Variants in INTS9 observed in about 807,000 individuals in gnomAD.
INTS9 encodes the protein integrator complex subunit 9, also known as protein related to CPSF subunits of 74 kDa.
In INTS9, 55 loss-of-function variants were observed where a neutral mutation model predicts 79.7. The observed-to-expected ratio is 0.69, with a 90% confidence interval of 0.56 to 0.86. INTS9 has a LOEUF of 0.86. INTS9 is among the 40% of genes least tolerant of loss of function. The pLI, the probability that INTS9 is intolerant of heterozygous loss-of-function variation, is 0.00. For missense variants in INTS9, 721 were observed against 831.5 expected (o/e 0.87, Z 1.64); for synonymous variants, 319 against 325.2 (o/e 0.98, Z 0.20).
chr8:28,884,028 T>G (rs996014096), intron 1 of INTS9, among the ~76,000 whole-genome samples: 1 of 152,156 alleles, frequency 6.6e-6, no homozygotes, highest in Non-Finnish European at 1.5e-5. Context: ...AATATGCTAC[T>G]GTGGTACCGT....
chr8:28,809,626 T>C (rs773633488), intron 8 of INTS9, among the ~76,000 whole-genome samples: 8 of 152,200 alleles, frequency 5.3e-5, no homozygotes, highest in Non-Finnish European at 8.8e-5. Context: ...TCAATAGTAC[T>C]GTAAAGGCTT....
chr8:28,794,745 A>G (rs1804104432), intron 9 of INTS9, among the ~76,000 whole-genome samples: 1 of 152,192 alleles, frequency 6.6e-6, no homozygotes, highest in Non-Finnish European at 1.5e-5. Context: ...TGAAAATGCA[A>G]CTTTTCTTCT....
chr8:28,886,016 A>G (rs1477765912), intron 1 of INTS9, among the ~76,000 whole-genome samples: 1 of 152,218 alleles, frequency 6.6e-6, no homozygotes, highest in Non-Finnish European at 1.5e-5. Context: ...ATACCCAAGT[A>G]TTACGTTATA....
At chr8:28,881,142 G>T (rs1337281598) in intron 1 of INTS9, among the ~76,000 whole-genome samples, 8 of 139,376 alleles carry the variant, frequency 5.7e-5, no homozygotes, top group South Asian at 2.3e-4. Flanking sequence ...TCAGCCCCCC[G>T]CCCGGCTGGC....
At chr8:28,872,057 A>T (rs573423399) in intron 1 of INTS9, among the ~76,000 whole-genome samples, 28 of 152,382 alleles carry the variant, frequency 1.8e-4, no homozygotes, top group African/African-American at 5.5e-4. Flanking sequence ...TAAAATGCCC[A>T]GTCCATACAT....
At chr8:28,880,469 C>G (rs12542514) in intron 1 of INTS9, among the ~76,000 whole-genome samples, 13,047 of 152,134 alleles carry the variant, frequency 0.086, 680 homozygotes, top group South Asian at 0.24. Context: ...ATGTGTTGGC[C>G]GGGCTGGTCT....
chr8:28,768,245 G>C lies in INTS9; in HGVS notation c.1878C>G (p.Ile626Met). The change falls in exon 17 of 17, where the codon ATC (isoleucine) becomes ATG (methionine). Residue 626 changes from isoleucine to methionine, a missense_variant. This residue lies in a region of INTS9 where 281 missense variants were observed against 300.8 expected (regional missense o/e 0.93). Transcript: ENST00000521022. ...IVLLQEAETL[I>M]QIEEDSTHII... ...TATGGGTCGAGTCTTCTTCAATCTG[G>C]ATGAGCGTCTCAGCCTCCTGGAGCA... 1 of 1,614,120 alleles carries C rather than the reference G, an allele frequency of 6.2e-7. No individual in the cohort carries two copies.
Position 28,808,321 on chromosome 8 carries a change from G to GT in INTS9, c.744+4005dup, listed in dbSNP as rs981603074. 8.2e-4 allele frequency among the ~76,000 whole-genome samples: 124 copies of GT among 151,798 alleles called. 1 individual carries two copies. Among genetic ancestry groups the GT allele is most frequent in the Non-Finnish European group, 3.1e-4 (21 of 67,956 alleles). The stretch of plus-strand genomic sequence containing the variant: ...CGATTCTCCTGCCTCAGCCTCCCGA[G>GT]TATTTGGGATTACAGGTGAGCACCA... On this transcript the variant is annotated intron_variant, in intron 8 of 16. Transcript: ENST00000521022.
chr8:28,812,613 G>T, intron 7 of INTS9, 152 bp from the exon 8 acceptor site: 2 of 834,890 alleles, frequency 2.4e-6, no homozygotes, highest in Non-Finnish European at 3.6e-6. Flanking sequence ...GCTCACGCCT[G>T]TAATCCCAGC....
At chr8:28,819,247 G>T (rs532883981) in intron 6 of INTS9, among the ~76,000 whole-genome samples, 2,770 of 152,082 alleles carry the variant, frequency 0.018, 40 homozygotes, top group Middle Eastern at 0.037. Context: ...GTGATGTTAG[G>T]GTGTCAATTT....
At chr8:28,770,263 T>A (rs1802454488) in intron 15 of INTS9, among the ~76,000 whole-genome samples, 2 of 152,220 alleles carry the variant, frequency 1.3e-5, no homozygotes, top group South Asian at 4.1e-4. Flanking sequence ...CTGCCTTCTA[T>A]CAAGATCCAT....
chr8:28,779,490 T>C (rs1236729251), intron 12 of INTS9, among the ~76,000 whole-genome samples: 1 of 152,184 alleles, frequency 6.6e-6, no homozygotes, highest in African/African-American at 2.4e-5. Context: ...GTAATCATCC[T>C]GAACACGGAA....
chr8:28,879,153 A>G (rs781462813), intron 1 of INTS9, among the ~76,000 whole-genome samples: 1 of 152,344 alleles, frequency 6.6e-6, no homozygotes, highest in African/African-American at 2.4e-5. Context: ...AATATCCTTC[A>G]TGAATATATA....
chr8:28,824,729 G>A (rs920141531), intron 6 of INTS9, among the ~76,000 whole-genome samples: 45 of 152,172 alleles, frequency 3.0e-4, no homozygotes, highest in Non-Finnish European at 5.9e-5. Flanking sequence ...CTGCTTTGAG[G>A]AAGGAGAGAT....
At chr8:28,775,625 TATAG>T (rs1802819505) in intron 14 of INTS9, 130 bp downstream of exon 14, 17 of 970,852 alleles carry the variant, frequency 1.8e-5, no homozygotes, top group Non-Finnish European at 2.1e-5. Context: ...GTGCTGGGAT[TATAG>T]GCGTGAGCTA....
At chr8:28,787,637 G>A (rs926062045) in intron 11 of INTS9, among the ~76,000 whole-genome samples, 192 bp downstream of exon 11, 6 of 152,210 alleles carry the variant, frequency 3.9e-5, no homozygotes, top group Non-Finnish European at 5.9e-5. Context: ...CTCCACGTGC[G>A]CAATAGAAAG....
chr8:28,847,698 C>T (rs1465042200), intron 3 of INTS9, among the ~76,000 whole-genome samples: 1 of 152,216 alleles, frequency 6.6e-6, no homozygotes, highest in East Asian at 1.9e-4. Context: ...GTCTTTCCCC[C>T]ACAGGCTGAC....
rs370384415 is a variant in INTS9, at chr8:28,780,906, C to T, written c.1187G>A (p.Gly396Glu). 114 of 1,614,126 alleles carry T rather than the reference C, an allele frequency of 7.1e-5. No individual in the cohort carries two copies. Among genetic ancestry groups the T allele is most frequent in the Non-Finnish European group, 9.3e-5 (110 of 1,180,014 alleles). ...GTCCCCGAAGCGGAGGGAAGGGTGC[C>T]CGGTGAACACCACACAGGGCTGTCT... ...DFRQPCVVFTGHPSLRFGDVV... is the reference protein window; with the variant it reads ...DFRQPCVVFTEHPSLRFGDVV... The change falls in exon 12 of 17, where the codon GGG becomes GAG. Residue 396 changes from glycine (G) to glutamate (E), a missense_variant. By Grantham distance (98) the Gly-to-Glu change is moderately conservative. This residue lies in a region of INTS9 where 149 missense variants were observed against 223.7 expected (regional missense o/e 0.67). Coordinates refer to ENST00000521022, the MANE Select transcript of INTS9 (RefSeq NM_018250.4).
At chr8:28,847,382 AG>A (rs918348287) in intron 3 of INTS9, among the ~76,000 whole-genome samples, 1 of 151,990 alleles carries the variant, frequency 6.6e-6, no homozygotes, top group Non-Finnish European at 1.5e-5. Context: ...AGCCTGAAAC[AG>A]GGATTCAACA....
Sources: allele counts gnomAD v4.1 joint callset (sites outside exome capture counted in the v4.1 genomes callset), GRCh38; gene constraint gnomAD v4.1.1; regional missense constraint gnomAD v4.1.1; transcripts MANE v1.5; gene names NCBI Gene and HGNC (gene_info 2026-07-23, HGNC 2026-07-21).